The following KLK11 variants were observed in gnomAD, a reference collection of about 807,000 sequenced individuals.
KLK11 encodes kallikrein related peptidase 11, also known as kallikrein-11.
A neutral mutation model predicts 23.4 loss-of-function variants in KLK11; 10 were observed. That is an observed-to-expected ratio of 0.43 (90% CI 0.26 to 0.73). The LOEUF is 0.73. Ranked by LOEUF, KLK11 falls within the 30% of genes least tolerant of loss-of-function variation. The pLI is 0.22. For missense variants in KLK11, 285 were observed against 327.8 expected, an observed-to-expected ratio of 0.87 and a Z score of 1.01; for synonymous variants, 131 against 131.7, an observed-to-expected ratio of 0.99 and a Z score of 0.03.
At chr19:51,023,997 C>T (rs2091439446) in intron 4 of KLK11, 48 bp downstream of exon 4, 2 of 1,414,188 alleles carry the variant, frequency 1.4e-6, no homozygotes, top group African/African-American at 2.9e-5. Flanking sequence ...CAATCCTGAC[C>T]ACTCCCTCCT....
At chr19:51,022,755 GGGAGGA>G in intron 5 of KLK11, 58 bp from the exon 6 acceptor site, 1 of 1,590,752 alleles carries the variant, frequency 6.3e-7, no homozygotes, top group Non-Finnish European at 8.6e-7. Context: ...GTGTTAGCCA[GGGAGGA>G]GGTGGGGACG....
In KLK11 at chr19:51,023,344, CCT is replaced by C. The variant is rs2091431039; in HGVS notation, c.464-118_464-117del. The C allele has an allele frequency of 2.4e-6, 3 of 1,265,132 alleles. No homozygotes were observed. In the East Asian group the frequency reaches 7.7e-5, roughly 32 times the overall value. 78.4% of individuals were successfully genotyped at this position (1,265,132 alleles called of 1,614,324 possible). ...CCTGTCCTTAGACGCAGCCAACTCACCTCTCTTCTTGTAACAATAGCAACAGC... is the reference window on the plus strand; with the variant it reads ...CCTGTCCTTAGACGCAGCCAACTCACCTCTTCTTGTAACAATAGCAACAGC... On this transcript the variant is annotated intron_variant, in intron 4 of 5. Transcript: ENST00000453757.
chr19:51,022,706 G>C lies in KLK11; in HGVS notation c.601-9C>G. ...GGGCCCCCGGAGTCACCCTGGGCAC[G>C]GGGAGAGAGAATGTCGGTCAGAGAA... On this transcript the variant is annotated splice_polypyrimidine_tract_variant and intron_variant, in intron 5 of 5. Transcript: ENST00000453757. The C allele has an allele frequency of 1.2e-6, 2 of 1,612,592 alleles. No individual in the cohort carries two copies. The highest frequency in any genetic ancestry group is 1.7e-6 in the Non-Finnish European group (2 of 1,179,960).
At position 51,024,869 on chromosome 19, in the gene KLK11, G is replaced by A. The variant is rs931228420; in HGVS notation, c.41-75C>T. On this transcript the variant is annotated intron_variant, in intron 2 of 5. Transcript: ENST00000453757. The surrounding 1 kb of genome is among the most constrained non-coding windows in gnomAD (Gnocchi z 6.2). Reference sequence around the variant, plus strand: ...ACCAGGAGGACTCCCAGAAATGGGGGTGGGGAGGAGAGAAAGAGAGTGGGT... The same window carrying A: ...ACCAGGAGGACTCCCAGAAATGGGGATGGGGAGGAGAGAAAGAGAGTGGGT... 4 of 1,383,690 alleles carry A rather than the reference G, an allele frequency of 2.9e-6. No individual in the cohort carries two copies. The highest frequency in any genetic ancestry group is 3.8e-6 in the Non-Finnish European group (4 of 1,044,088). The allele number at this position is 1,383,690 out of a possible 1,614,324, so 85.7% of individuals were successfully genotyped here.
rs865909907 is a variant in KLK11, at chr19:51,025,235, C to T, written c.40+357G>A. Among the ~76,000 whole-genome samples the T allele has an allele frequency of 2.6e-5, 4 of 151,576 alleles. No individual in the cohort carries two copies. Among genetic ancestry groups the T allele is most frequent in the South Asian group, 2.1e-4 (1 of 4,788 alleles). On this transcript the variant is annotated intron_variant, in intron 2 of 5. Transcript: ENST00000453757. This position sits in a 1 kb window ranked among gnomAD's most constrained non-coding sequence, Gnocchi z 6.2. The stretch of plus-strand genomic sequence containing the variant: ...AGTGAGCCGTGTTGGCACCACGGCA[C>T]TCCAGCCTGGACAATAGAGCAAGAC...
At position 51,024,422 on chromosome 19, in the gene KLK11, CCA is replaced by C; in HGVS notation, c.198-114_198-113del. The C allele has an allele frequency of 4.7e-6, 7 of 1,487,582 alleles. No homozygotes were observed. The highest frequency in any genetic ancestry group is 6.3e-6 in the Non-Finnish European group (7 of 1,107,868). The allele number at this position is 1,487,582 out of a possible 1,614,324, so 92.1% of individuals were successfully genotyped here. ...AACATCGCTCTGCTTCCAACCTCTT[CCA>C]CGTCTCCCACCGAAGCCCCCTTCCC... On this transcript the variant is annotated intron_variant, in intron 3 of 5. Coordinates refer to ENST00000453757, the MANE Select transcript of KLK11 (RefSeq NM_001136032.3). The surrounding 1 kb of genome is among the most constrained non-coding windows in gnomAD (Gnocchi z 6.2).
chr19:51,027,787 G>T (rs1444111221), upstream of KLK11: 5 of 424,300 alleles, frequency 1.2e-5, no homozygotes, highest in East Asian at 1.7e-4. Flanking sequence ...AGACCTGCTT[G>T]CAGGGGAGGT....
In KLK11 at chr19:51,025,716, G is replaced by GC; in HGVS notation, c.-35-51_-35-50insG. 2 of 767,292 alleles carry GC rather than the reference G, an allele frequency of 2.6e-6. No individual in the cohort carries two copies. Among genetic ancestry groups the GC allele is most frequent in the Non-Finnish European group, 4.2e-6 (2 of 473,398 alleles). The allele number at this position is 767,292 out of a possible 1,614,324, so 47.5% of individuals were successfully genotyped here. ...CCGCATCACTTTACGGGGAAATCGG[G>GC]AGGGGGGGGCTGGCTCATGCCCTCT... is the stretch of plus-strand genomic sequence containing the variant. On this transcript the variant is annotated intron_variant, in intron 1 of 5. Transcript: ENST00000453757. This position sits in a 1 kb window ranked among gnomAD's most constrained non-coding sequence, Gnocchi z 6.2.
At chr19:51,027,681 T>C, upstream of KLK11, 1 of 668,584 alleles carries the variant, frequency 1.5e-6, no homozygotes, top group Non-Finnish European at 2.6e-6. Context: ...ACCTAGGTGC[T>C]TCCTCTTCCT....
chr19:51,023,799 A>C (rs1294744816), intron 4 of KLK11: 5 of 417,536 alleles, frequency 1.2e-5, no homozygotes, highest in Non-Finnish European at 2.1e-5. Context: ...AGATTCAGAG[A>C]GGTGAAGCTG....
At chr19:51,027,459 G>C (rs1297784367), upstream of KLK11, 1 of 1,613,822 alleles carries the variant, frequency 6.2e-7, no homozygotes, top group East Asian at 2.2e-5. Context: ...TCACTTACTG[G>C]CTGCTGTGAG....
In KLK11 at chr19:51,024,434, C is replaced by T. The variant is rs116137010; in HGVS notation, c.198-124G>A. On this transcript the variant is annotated intron_variant, in intron 3 of 5. Coordinates refer to ENST00000453757, the MANE Select transcript of KLK11 (RefSeq NM_001136032.3). The surrounding 1 kb of genome is among the most constrained non-coding windows in gnomAD (Gnocchi z 6.2). Reference sequence around the variant, plus strand: ...CTTCCAACCTCTTCCACGTCTCCCACCGAAGCCCCCTTCCCAGCCATAGCC... The same window carrying T: ...CTTCCAACCTCTTCCACGTCTCCCATCGAAGCCCCCTTCCCAGCCATAGCC... 1,564 of 1,456,090 alleles carry T rather than the reference C, an allele frequency of 1.1e-3. 15 individuals carry two copies. The African/African-American group carries it at 0.019, about 18-fold the overall frequency. The allele number at this position is 1,456,090 out of a possible 1,614,324, so 90.2% of individuals were successfully genotyped here.
At position 51,024,449 on chromosome 19, in the gene KLK11, C is replaced by T; in HGVS notation, c.198-139G>A. ...ACGTCTCCCACCGAAGCCCCCTTCC[C>T]AGCCATAGCCCCATCCCAACCCCAT... On this transcript the variant is annotated intron_variant, in intron 3 of 5. Coordinates refer to ENST00000453757, the MANE Select transcript of KLK11 (RefSeq NM_001136032.3). This position sits in a 1 kb window ranked among gnomAD's most constrained non-coding sequence, Gnocchi z 6.2. The T allele has an allele frequency of 1.4e-6, 2 of 1,408,832 alleles. No homozygotes were observed. The highest frequency in any genetic ancestry group is 9.5e-7 in the Non-Finnish European group (1 of 1,050,812). The allele number at this position is 1,408,832 out of a possible 1,614,324, so 87.3% of individuals were successfully genotyped here. A position where few individuals can be genotyped will look rare whatever the true frequency, so the allele number is the denominator to read the frequency against.
At position 51,025,712 on chromosome 19, in the gene KLK11, T is replaced by G; in HGVS notation, c.-35-46A>C. The G allele has an allele frequency of 5.2e-5, 38 of 731,336 alleles. No individual in the cohort carries two copies. The highest frequency in any genetic ancestry group is 6.9e-5 in the Non-Finnish European group (31 of 448,262). The allele number at this position is 731,336 out of a possible 1,614,324, so 45.3% of individuals were successfully genotyped here. ...GGGGCCGCATCACTTTACGGGGAAA[T>G]CGGGAGGGGGGGGCTGGCTCATGCC... is the stretch of plus-strand genomic sequence containing the variant. On this transcript the variant is annotated intron_variant, in intron 1 of 5. Coordinates refer to ENST00000453757, the MANE Select transcript of KLK11 (RefSeq NM_001136032.3). This position sits in a 1 kb window ranked among gnomAD's most constrained non-coding sequence, Gnocchi z 6.2.
In KLK11 at chr19:51,024,440, C is replaced by G; in HGVS notation, c.198-130G>C. ...ACCTCTTCCACGTCTCCCACCGAAGCCCCCTTCCCAGCCATAGCCCCATCC... is the reference window on the plus strand; with the variant it reads ...ACCTCTTCCACGTCTCCCACCGAAGGCCCCTTCCCAGCCATAGCCCCATCC... On this transcript the variant is annotated intron_variant, in intron 3 of 5. Coordinates refer to ENST00000453757, the MANE Select transcript of KLK11 (RefSeq NM_001136032.3). The surrounding 1 kb of genome is among the most constrained non-coding windows in gnomAD (Gnocchi z 6.2). The G allele has an allele frequency of 6.9e-7, 1 of 1,440,724 alleles. No homozygotes were observed. The highest frequency in any genetic ancestry group is 9.3e-7 in the Non-Finnish European group (1 of 1,075,318). 89.2% of individuals were successfully genotyped at this position (1,440,724 alleles called of 1,614,324 possible). A position where few individuals can be genotyped will look rare whatever the true frequency, so the allele number is the denominator to read the frequency against.
At chr19:51,022,948 G>T in intron 5 of KLK11, 144 bp downstream of exon 5, 2 of 1,007,018 alleles carry the variant, frequency 2.0e-6, no homozygotes, top group South Asian at 1.6e-5. Context: ...TTTGTGCTGA[G>T]GTCAGAAACG....
upstream of KLK11, chr19:51,027,814 G>A: frequency 8.0e-6 from 3 of 375,164 alleles, no homozygotes; most frequent in South Asian, 1.1e-4. Context: ...CAGGCTTCCA[G>A]GAGGGTCCAC....
At chr19:51,027,440 T>C, upstream of KLK11, 1 of 1,613,438 alleles carries the variant, frequency 6.2e-7, no homozygotes, top group Non-Finnish European at 8.5e-7. Context: ...GCAGCCCGAG[T>C]CCAGCTGTTC....
chr19:51,022,806 G>T, intron 5 of KLK11, 109 bp from the exon 6 acceptor site: 1 of 1,231,316 alleles, frequency 8.1e-7, no homozygotes, highest in Non-Finnish European at 1.2e-6. Flanking sequence ...GGATGGGTAG[G>T]CACTGGGAAA....
Sources: allele counts gnomAD v4.1 joint callset (sites outside exome capture counted in the v4.1 genomes callset), GRCh38; gene constraint gnomAD v4.1.1; non-coding constraint Gnocchi (gnomAD v3.1); transcripts MANE v1.5; gene names NCBI Gene and HGNC (gene_info 2026-07-23, HGNC 2026-07-21).